The following KCNAB1 variants were observed in gnomAD, a reference collection of about 807,000 sequenced individuals.
KCNAB1 encodes the protein voltage-gated potassium channel subunit beta-1.
KCNAB1 carries 35 observed loss-of-function variants against 64.6 expected under a neutral mutation model. The ratio of observed to expected loss-of-function variants is 0.54; its 90% CI spans 0.41 to 0.72. The LOEUF (loss-of-function observed/expected upper bound fraction) is 0.72, where lower values mean the gene tolerates loss of function less well. Among genes scored for constraint, KCNAB1 ranks in the 30% least tolerant of loss-of-function variants. The probability of loss-of-function intolerance (pLI) is 0.00; values close to 1 mark genes in which losing one functional copy is unlikely to be tolerated. For synonymous variants in KCNAB1, 177 were observed against 183.8 expected (o/e 0.96, Z 0.30); for missense variants, 401 against 512.9 (o/e 0.78, Z 2.11).
At chr3:156,386,944 T>G (rs529712984) in intron 1 of KCNAB1, among the ~76,000 whole-genome samples, 20 of 151,856 alleles carry the variant, frequency 1.3e-4, no homozygotes, top group African/African-American at 4.8e-4. Context: ...TTGCTGATCC[T>G]GGAGGATCTG....
chr3:156,229,794 G>A (rs766279296), intron 1 of KCNAB1, among the ~76,000 whole-genome samples: 3 of 152,148 alleles, frequency 2.0e-5, no homozygotes. Context: ...GTAAATAGCA[G>A]CTGTGCCTAG....
At chr3:156,419,739 C>T (rs934037773) in intron 1 of KCNAB1, among the ~76,000 whole-genome samples, 3 of 152,092 alleles carry the variant, frequency 2.0e-5, no homozygotes, top group African/African-American at 7.2e-5. Context: ...AAGATGTATC[C>T]CATGTTACTG....
At chr3:156,356,182 A>AAAAGAAAG (rs111752794) in intron 1 of KCNAB1, among the ~76,000 whole-genome samples, 3,687 of 150,790 alleles carry the variant, frequency 0.024, 66 homozygotes, top group African/African-American at 0.044. Flanking sequence ...GAAAAAAAGA[A>AAAAGAAAG]AAAGAAAGAA....
At chr3:156,249,628 G>C (rs76589674) in intron 1 of KCNAB1, among the ~76,000 whole-genome samples, 1 of 151,960 alleles carries the variant, frequency 6.6e-6, no homozygotes, top group Admixed American at 6.6e-5. Context: ...CCAGAAATGA[G>C]CTTTGCAGTT....
chr3:156,152,309 A>C (rs1013529181), intron 1 of KCNAB1, among the ~76,000 whole-genome samples: 1 of 152,244 alleles, frequency 6.6e-6, no homozygotes, highest in Non-Finnish European at 1.5e-5. Flanking sequence ...GATGGACCAC[A>C]GACACGGTTA....
intron 1 of KCNAB1, among the ~76,000 whole-genome samples, chr3:156,283,755 C>T (rs1428799334): frequency 1.3e-5 from 2 of 152,070 alleles, no homozygotes; most frequent in Non-Finnish European, 2.9e-5. Context: ...CAGTTGATCG[C>T]ATTGGCTCCT....
intron 3 of KCNAB1, chr3:156,456,152 C>T (rs1376115204): frequency 1.3e-5 from 2 of 152,204 alleles, no homozygotes; most frequent in African/African-American, 4.8e-5. Flanking sequence ...AGAAATCACT[C>T]TTCAGACTTA....
chr3:156,457,699 C>G (rs1454278477), intron 4 of KCNAB1, among the ~76,000 whole-genome samples, 167 bp downstream of exon 4: 1 of 152,140 alleles, frequency 6.6e-6, no homozygotes, highest in Non-Finnish European at 1.5e-5. Flanking sequence ...GGGATATTGA[C>G]TGTCTCTGGC....
intron 5 of KCNAB1, among the ~76,000 whole-genome samples, chr3:156,461,776 T>G (rs1712930935): frequency 6.6e-6 from 1 of 152,218 alleles, no homozygotes; most frequent in Non-Finnish European, 1.5e-5. Flanking sequence ...AGAAAATAGA[T>G]CACCATGCAT....
intron 1 of KCNAB1, among the ~76,000 whole-genome samples, chr3:156,320,975 C>T (rs1722617147): frequency 6.6e-6 from 1 of 151,124 alleles, no homozygotes; most frequent in African/African-American, 2.4e-5. Context: ...GTGTGTCATA[C>T]ACTCTTATAG....
intron 1 of KCNAB1, among the ~76,000 whole-genome samples, chr3:156,326,401 A>G (rs1722968674): frequency 6.6e-6 from 1 of 152,166 alleles, no homozygotes; most frequent in Non-Finnish European, 1.5e-5. Context: ...TGGCAAATAT[A>G]TAGATGTCTC....
chr3:156,166,841 C>T (rs1711602331), intron 1 of KCNAB1, among the ~76,000 whole-genome samples: 1 of 152,148 alleles, frequency 6.6e-6, no homozygotes. Context: ...ATAAAATTCT[C>T]CTAGATGATT....
At chr3:156,367,861 A>G (rs1378809794) in intron 1 of KCNAB1, among the ~76,000 whole-genome samples, 1 of 152,196 alleles carries the variant, frequency 6.6e-6, no homozygotes, top group Non-Finnish European at 1.5e-5. Flanking sequence ...TTTAAAAAAT[A>G]CACAAGACAA....
chr3:156,124,161 A>G (rs1208964181), intron 1 of KCNAB1, among the ~76,000 whole-genome samples: 3 of 151,718 alleles, frequency 2.0e-5, no homozygotes, highest in Admixed American at 2.0e-4. Context: ...ACATCTTTGT[A>G]TCAGATTTTA....
chr3:156,476,983 T>C (rs1318368407), intron 8 of KCNAB1, among the ~76,000 whole-genome samples: 1 of 152,148 alleles, frequency 6.6e-6, no homozygotes, highest in East Asian at 1.9e-4. Context: ...TTTTTAAGAA[T>C]TTTGTTCCCA....
chr3:156,209,563 T>C (rs1714887653), intron 1 of KCNAB1, among the ~76,000 whole-genome samples: 1 of 152,192 alleles, frequency 6.6e-6, no homozygotes, highest in African/African-American at 2.4e-5. Flanking sequence ...TTAGACAAAA[T>C]ATAGACTGCA....
At chr3:156,183,725 C>T (rs1219092706) in intron 1 of KCNAB1, among the ~76,000 whole-genome samples, 1 of 152,222 alleles carries the variant, frequency 6.6e-6, no homozygotes, top group Non-Finnish European at 1.5e-5. Context: ...ACTCTGTGAA[C>T]TCAGGCAATC....
intron 1 of KCNAB1, among the ~76,000 whole-genome samples, chr3:156,198,172 T>A (rs1714078170): frequency 6.6e-6 from 1 of 152,252 alleles, no homozygotes. Flanking sequence ...ATGATTTTTA[T>A]TCTTTTGCAT....
At chr3:156,256,202 T>G (rs1339086724) in intron 1 of KCNAB1, among the ~76,000 whole-genome samples, 1 of 152,252 alleles carries the variant, frequency 6.6e-6, no homozygotes, top group African/African-American at 2.4e-5. Flanking sequence ...AGCACCTAAT[T>G]GTATTCCTGA....
Sources: gnomAD v4.1 joint callset for allele counts (sites outside exome capture counted in the v4.1 genomes callset) on GRCh38, gnomAD v4.1.1 for gene constraint, MANE v1.5 for transcripts, NCBI Gene and HGNC (gene_info 2026-07-23, HGNC 2026-07-21) for gene names.